The following DLGAP2 variants were observed in gnomAD, a reference collection of about 807,000 sequenced individuals.
DLGAP2 encodes the protein DLG associated protein 2.
Under a neutral mutation model 100.3 loss-of-function variants are expected in DLGAP2, and 26 were observed. The observed-to-expected ratio is 0.26, with a 90% CI of 0.19 to 0.36. The LOEUF (loss-of-function observed/expected upper bound fraction) is 0.36, where lower values mean the gene tolerates loss of function less well. DLGAP2 is among the 10% of genes least tolerant of loss of function. The pLI, the probability that DLGAP2 is intolerant of heterozygous loss-of-function variation, is 1.00. For synonymous variants in DLGAP2, 886 were observed against 630.1 expected (o/e 1.41, Z -6.08); for missense variants, 1,858 against 1,453.2 (o/e 1.28, Z -4.53).
At chr8:1,315,398 C>G (rs1460823630) in intron 3 of DLGAP2, among the ~76,000 whole-genome samples, 1 of 142,280 alleles carries the variant, frequency 7.0e-6, no homozygotes. Flanking sequence ...GGTCTACACT[C>G]GAGAAACTCG....
chr8:1,693,072 CAT>C lies in DLGAP2; in HGVS notation c.2796+1453_2796+1454del, dbSNP rs565837114. On this transcript the variant is annotated intron_variant, in intron 13 of 14. Transcript: ENST00000637795. Reference sequence around the variant, plus strand: ...ATATATAGGTGTATTTATATATAAACATATATATTAACATGTATATGAAATTT... The same window carrying C: ...ATATATAGGTGTATTTATATATAAACATATATTAACATGTATATGAAATTT... 5.7e-3 allele frequency among the ~76,000 whole-genome samples: 842 copies of C among 147,458 alleles called. 9 individuals carry two copies. The highest frequency in any genetic ancestry group is 0.012 in the Middle Eastern group (3 of 244).
chr8:1,546,535 C>A (rs999080141), intron 4 of DLGAP2, among the ~76,000 whole-genome samples: 4 of 152,214 alleles, frequency 2.6e-5, no homozygotes, highest in African/African-American at 9.6e-5. Context: ...CGTTTTGAGG[C>A]CATACCTAGG....
chr8:815,351 C>G (rs150339831), intron 1 of DLGAP2, among the ~76,000 whole-genome samples: 39 of 152,304 alleles, frequency 2.6e-4, no homozygotes, highest in African/African-American at 8.9e-4. Context: ...TTAGGAGGGC[C>G]TTAGCCCATC....
At chr8:1,033,200 C>G (rs1032817985) in intron 2 of DLGAP2, among the ~76,000 whole-genome samples, 1 of 152,098 alleles carries the variant, frequency 6.6e-6, no homozygotes, top group Non-Finnish European at 1.5e-5. Context: ...GCCATCAGCT[C>G]AGGCCTGAGC....
intron 3 of DLGAP2, among the ~76,000 whole-genome samples, chr8:1,358,287 T>G (rs918797179): frequency 1.3e-5 from 2 of 152,154 alleles, no homozygotes; most frequent in African/African-American, 4.8e-5. Flanking sequence ...TATCTTAACG[T>G]CTTCATTTCC....
intron 3 of DLGAP2, among the ~76,000 whole-genome samples, chr8:1,428,554 TC>T (rs1797302756): frequency 6.6e-6 from 1 of 151,832 alleles, no homozygotes; most frequent in East Asian, 1.9e-4. Context: ...AAATTATAGG[TC>T]AGATTGACTG....
chr8:1,545,046 T>C (rs1204567527), intron 4 of DLGAP2, among the ~76,000 whole-genome samples: 1 of 152,152 alleles, frequency 6.6e-6, no homozygotes, highest in Non-Finnish European at 1.5e-5. Flanking sequence ...TTGAGGCTTT[T>C]TGCATCTCTA....
chr8:990,003 G>C (rs1014369942), intron 2 of DLGAP2, among the ~76,000 whole-genome samples: 3 of 152,040 alleles, frequency 2.0e-5, no homozygotes, highest in East Asian at 1.9e-4. Context: ...CTCTCTTGCC[G>C]CTCCCAGCCA....
At chr8:785,269 T>A in intron 1 of DLGAP2, among the ~76,000 whole-genome samples, 1 of 138,572 alleles carries the variant, frequency 7.2e-6, no homozygotes, top group South Asian at 2.5e-4. Context: ...TCCTGACACT[T>A]CAGATGCGCC....
intron 6 of DLGAP2, among the ~76,000 whole-genome samples, chr8:1,614,148 C>T (rs1797073212): frequency 6.6e-6 from 1 of 152,142 alleles, no homozygotes; most frequent in Non-Finnish European, 1.5e-5. Flanking sequence ...CATGGTGGAT[C>T]ATCACATACT....
chr8:1,513,731 C>G lies in DLGAP2; in HGVS notation c.172+12300C>G, dbSNP rs117959577. Among the ~76,000 whole-genome samples, 1,387 of 152,322 alleles carry G rather than the reference C, an allele frequency of 9.1e-3. 12 individuals carry two copies. Among genetic ancestry groups the G allele is most frequent in the South Asian group, 0.022 (105 of 4,832 alleles). On this transcript the variant is annotated intron_variant, in intron 4 of 14. Coordinates refer to ENST00000637795, the MANE Select transcript of DLGAP2 (RefSeq NM_001346810.2). ...CCCTAAAAGTACACTTTTTAATAAA[C>G]AATTATAGATGTGTAAGTTACAAAA...
chr8:1,389,820 C>T (rs745766061), intron 3 of DLGAP2, among the ~76,000 whole-genome samples: 16 of 152,062 alleles, frequency 1.1e-4, no homozygotes, highest in African/African-American at 3.1e-4. Context: ...AAGGATCCAA[C>T]GCAGACCCAG....
chr8:845,881 G>T (rs530048589), intron 1 of DLGAP2, among the ~76,000 whole-genome samples: 1 of 152,356 alleles, frequency 6.6e-6, no homozygotes, highest in South Asian at 2.1e-4. Flanking sequence ...GCATTTGGCT[G>T]TCCAGCTTTC....
At chr8:1,139,466 T>C (rs536004404) in intron 2 of DLGAP2, among the ~76,000 whole-genome samples, 1 of 152,320 alleles carries the variant, frequency 6.6e-6, no homozygotes, top group South Asian at 2.1e-4. Flanking sequence ...CCCTCTCATG[T>C]GTCCTCACGT....
intron 5 of DLGAP2, among the ~76,000 whole-genome samples, chr8:1,550,919 G>A (rs189967875): frequency 8.1e-4 from 124 of 152,302 alleles, no homozygotes; most frequent in African/African-American, 2.1e-3. Flanking sequence ...TGTGGGCCTC[G>A]CATCAGCTTA....
intron 3 of DLGAP2, among the ~76,000 whole-genome samples, chr8:1,318,814 C>T (rs1357115749): frequency 1.5e-5 from 2 of 134,132 alleles, no homozygotes; most frequent in Non-Finnish European, 3.1e-5. Flanking sequence ...CTTGGGGCCT[C>T]CAATGTGTTC....
intron 2 of DLGAP2, among the ~76,000 whole-genome samples, chr8:1,253,428 A>T (rs1799095014): frequency 2.0e-5 from 3 of 152,254 alleles, no homozygotes. Flanking sequence ...CAGAGATAGC[A>T]TGCGCTCGGC....
chr8:1,501,707 C>A (rs1474275297), intron 4 of DLGAP2, among the ~76,000 whole-genome samples: 1 of 152,216 alleles, frequency 6.6e-6, no homozygotes, highest in Non-Finnish European at 1.5e-5. Context: ...AGGACCCCTC[C>A]TTCCCTTGCT....
At chr8:1,532,244 G>C (rs985290827) in intron 4 of DLGAP2, among the ~76,000 whole-genome samples, 2 of 152,104 alleles carry the variant, frequency 1.3e-5, no homozygotes, top group Non-Finnish European at 2.9e-5. Flanking sequence ...ATAACATGGG[G>C]GAGGTCCTGG....
Sources: allele counts gnomAD v4.1 joint callset (sites outside exome capture counted in the v4.1 genomes callset), GRCh38; gene constraint gnomAD v4.1.1; transcripts MANE v1.5; gene names NCBI Gene and HGNC (gene_info 2026-07-23, HGNC 2026-07-21).